Variants in HEMK2 observed in about 807,000 individuals in gnomAD.
HEMK2 encodes methyltransferase HEMK2.
chr21:28,762,821 G>A, the HEMK2 span, among the ~76,000 whole-genome samples: 1 of 152,122 alleles, frequency 6.6e-6, no homozygotes, highest in African/African-American at 2.4e-5. Flanking sequence ...AGAACTGTGA[G>A]CTGAATAAAC....
At chr21:28,856,586 T>A in the HEMK2 span, among the ~76,000 whole-genome samples, 1 of 152,152 alleles carries the variant, frequency 6.6e-6, no homozygotes, top group East Asian at 1.9e-4. Context: ...AATTGAGGTA[T>A]CCAGGTATCC....
chr21:28,610,369 T>G, the HEMK2 span, among the ~76,000 whole-genome samples: 1 of 152,088 alleles, frequency 6.6e-6, no homozygotes, highest in Non-Finnish European at 1.5e-5. Flanking sequence ...AATTTCCCAC[T>G]ACCAAGCCAG....
chr21:28,655,631 G>A, the HEMK2 span, among the ~76,000 whole-genome samples: 3 of 151,858 alleles, frequency 2.0e-5, no homozygotes, highest in African/African-American at 7.3e-5. Context: ...TTCTCTCTAG[G>A]CTTGAATTTC....
the HEMK2 span, among the ~76,000 whole-genome samples, chr21:28,828,736 G>A: frequency 1.3e-5 from 2 of 152,070 alleles, no homozygotes; most frequent in African/African-American, 2.4e-5. Flanking sequence ...AAAGTTTCCA[G>A]TGGGCTTGTT....
the HEMK2 span, among the ~76,000 whole-genome samples, chr21:28,610,786 G>C: frequency 2.0e-5 from 3 of 152,144 alleles, no homozygotes; most frequent in African/African-American, 7.2e-5. Flanking sequence ...AGCAACAGCA[G>C]TTAAAAAAGA....
At chr21:28,858,912 T>C in the HEMK2 span, among the ~76,000 whole-genome samples, 1 of 152,218 alleles carries the variant, frequency 6.6e-6, no homozygotes, top group Non-Finnish European at 1.5e-5. Flanking sequence ...TGAATTTTTA[T>C]TTATCCTCAC....
chr21:28,877,410 G>GAAAAGAAGA, the HEMK2 span, among the ~76,000 whole-genome samples: 835 of 147,554 alleles, frequency 5.7e-3, 32 homozygotes, highest in African/African-American at 0.02. Context: ...AGAAAAAAAA[G>GAAAAGAAGA]AAGGAAGGAA....
At chr21:28,778,358 G>A in the HEMK2 span, among the ~76,000 whole-genome samples, 96 of 152,194 alleles carry the variant, frequency 6.3e-4, 1 homozygote, top group East Asian at 0.016. Context: ...TTAACTATTC[G>A]TTTGCTGAAG....
At chr21:28,584,786 G>C in the HEMK2 span, among the ~76,000 whole-genome samples, 12 of 152,034 alleles carry the variant, frequency 7.9e-5, no homozygotes, top group African/African-American at 2.2e-4. Flanking sequence ...CACTATAACG[G>C]AGAGGGTGAA....
At chr21:28,788,624 C>G in the HEMK2 span, among the ~76,000 whole-genome samples, 1 of 151,114 alleles carries the variant, frequency 6.6e-6, no homozygotes, top group Non-Finnish European at 1.5e-5. Flanking sequence ...ATCATCACTA[C>G]CAAGAACTTA....
At chr21:28,577,903 A>G in the HEMK2 span, among the ~76,000 whole-genome samples, 2 of 152,162 alleles carry the variant, frequency 1.3e-5, no homozygotes, top group Non-Finnish European at 2.9e-5. Context: ...AAGACACCAC[A>G]TTTATATCGA....
the HEMK2 span, among the ~76,000 whole-genome samples, chr21:28,670,748 A>C: frequency 6.6e-6 from 1 of 152,226 alleles, no homozygotes; most frequent in African/African-American, 2.4e-5. Context: ...CAGGAAACTT[A>C]CAGTTGTGGC....
chr21:28,737,593 A>T, the HEMK2 span, among the ~76,000 whole-genome samples: 30 of 87,280 alleles, frequency 3.4e-4, 1 homozygote, highest in South Asian at 4.4e-3. Context: ...ATAGACTGTT[A>T]AAAAAAAAAA....
chr21:28,878,142 T>G, the HEMK2 span: 1 of 1,459,720 alleles, frequency 6.9e-7, no homozygotes, highest in Non-Finnish European at 9.2e-7. Context: ...CATTATTAAC[T>G]TTTGATTTCA....
chr21:28,790,267 T>C, the HEMK2 span, among the ~76,000 whole-genome samples: 18 of 152,220 alleles, frequency 1.2e-4, no homozygotes, highest in Non-Finnish European at 2.2e-4. Context: ...AAACTAGGAA[T>C]ATTTTTTCAA....
At chr21:28,614,280 A>G in the HEMK2 span, among the ~76,000 whole-genome samples, 1 of 152,014 alleles carries the variant, frequency 6.6e-6, no homozygotes, top group Non-Finnish European at 1.5e-5. Context: ...CACTAGACTG[A>G]TATTCTTATA....
At chr21:28,830,877 T>A in the HEMK2 span, among the ~76,000 whole-genome samples, 2,080 of 7,870 alleles carry the variant, frequency 0.26, 100 homozygotes, top group Middle Eastern at 0.5. Context: ...ACTCCATCTT[T>A]AAAAAAAAAA....
chr21:28,874,037 TC>T, the HEMK2 span: 3 of 152,186 alleles, frequency 2.0e-5, no homozygotes, highest in East Asian at 5.8e-4. Context: ...GCATAGACAG[TC>T]TTCTAGAGAA....
At chr21:28,737,100 TGTTGGTTGGTTG>T in the HEMK2 span, among the ~76,000 whole-genome samples, 1 of 152,142 alleles carries the variant, frequency 6.6e-6, no homozygotes, top group Admixed American at 6.5e-5. Context: ...CAGTGAAGTT[TGTTGGTTGGTTG>T]GTTGGTTGGT....
Sources: gnomAD v4.1 joint callset for allele counts (sites outside exome capture counted in the v4.1 genomes callset) on GRCh38, gnomAD v4.1.1 for gene constraint, MANE v1.5 for transcripts, NCBI Gene and HGNC (gene_info 2026-07-23, HGNC 2026-07-21) for gene names.